NOL4: variants seen among roughly 807,000 people sequenced by gnomAD.
The protein encoded by NOL4 is cancer/testis antigen 125.
Under a neutral mutation model 75.9 loss-of-function variants are expected in NOL4, and 17 were observed. The ratio of observed to expected loss-of-function variants is 0.22; its 90% CI spans 0.15 to 0.34. NOL4 has a LOEUF of 0.34. NOL4 is among the 10% of genes least tolerant of loss of function. The probability of loss-of-function intolerance (pLI) is 1.00; values close to 1 mark genes in which losing one functional copy is unlikely to be tolerated. For missense variants in NOL4, 614 were observed against 793.5 expected (o/e 0.77, Z 2.72); for synonymous variants, 292 against 289.9 (o/e 1.01, Z -0.07).
At chr18:33,991,648 C>G (rs1191239097) in intron 6 of NOL4, among the ~76,000 whole-genome samples, 1 of 151,962 alleles carries the variant, frequency 6.6e-6, no homozygotes, top group Non-Finnish European at 1.5e-5. Context: ...GCTAATTACT[C>G]TAGCCCTGTG....
chr18:33,904,086 G>T (rs958078364), intron 9 of NOL4, among the ~76,000 whole-genome samples: 10 of 151,934 alleles, frequency 6.6e-5, no homozygotes, highest in African/African-American at 2.4e-4. Flanking sequence ...TTTGGTTTTT[G>T]GCTCTTATGT....
chr18:33,858,885 T>C (rs2062960327), intron 10 of NOL4, among the ~76,000 whole-genome samples: 1 of 152,106 alleles, frequency 6.6e-6, no homozygotes, highest in Non-Finnish European at 1.5e-5. Flanking sequence ...CATTTTTGAA[T>C]TAATATTGGC....
At chr18:34,048,595 A>G in intron 5 of NOL4, 1 of 985,356 alleles carries the variant, frequency 1.0e-6, no homozygotes, top group Non-Finnish European at 1.2e-6. Flanking sequence ...GCACAGTAAG[A>G]GCTAATCTTT....
intron 5 of NOL4, among the ~76,000 whole-genome samples, chr18:34,024,194 A>AAAAAAATATATATATATATATATAT: frequency 1.4e-5 from 1 of 70,684 alleles, no homozygotes; most frequent in African/African-American, 5.3e-5. Flanking sequence ...AAAAAAAAAA[A>AAAAAAATATATATATATATATATAT]ATATATATAT....
At chr18:34,026,626 ATTTCT>A (rs1345410215) in intron 5 of NOL4, among the ~76,000 whole-genome samples, 2 of 152,186 alleles carry the variant, frequency 1.3e-5, no homozygotes, top group East Asian at 3.8e-4. Context: ...AACTGATATA[ATTTCT>A]TTTCCTTTAG....
intron 5 of NOL4, among the ~76,000 whole-genome samples, chr18:34,072,076 C>T (rs1353859129): frequency 6.6e-6 from 1 of 151,930 alleles, no homozygotes; most frequent in African/African-American, 2.4e-5. Context: ...ATTAAAAATA[C>T]AAAAATTAGC....
chr18:34,153,011 A>G (rs1292089264), intron 1 of NOL4, among the ~76,000 whole-genome samples: 1 of 151,954 alleles, frequency 6.6e-6, no homozygotes, highest in Non-Finnish European at 1.5e-5. Flanking sequence ...TTAAGAAGAA[A>G]GAGAAGCATG....
At chr18:33,854,909 C>A (rs1259574699) in intron 10 of NOL4, among the ~76,000 whole-genome samples, 1 of 151,862 alleles carries the variant, frequency 6.6e-6, no homozygotes. Flanking sequence ...TACACCCTAC[C>A]GCTGGCTCAG....
intron 6 of NOL4, among the ~76,000 whole-genome samples, chr18:34,008,131 T>C (rs1190714008): frequency 1.3e-5 from 2 of 152,124 alleles, no homozygotes; most frequent in African/African-American, 2.4e-5. Flanking sequence ...CACTCCATTT[T>C]TGAGCTGCAA....
At chr18:33,882,662 T>C (rs2064366613) in intron 10 of NOL4, among the ~76,000 whole-genome samples, 1 of 151,036 alleles carries the variant, frequency 6.6e-6, no homozygotes, top group Middle Eastern at 3.4e-3. Context: ...TCCTCAGGGA[T>C]CTAGAACTGG....
intron 9 of NOL4, among the ~76,000 whole-genome samples, chr18:33,912,101 T>G (rs1021990250): frequency 6.6e-6 from 1 of 152,092 alleles, no homozygotes; most frequent in Non-Finnish European, 1.5e-5. Flanking sequence ...TCTTCAGTTC[T>G]TAGACTTTCC....
intron 1 of NOL4, among the ~76,000 whole-genome samples, chr18:34,172,409 C>T (rs753178966): frequency 1.3e-5 from 2 of 151,928 alleles, no homozygotes; most frequent in Non-Finnish European, 2.9e-5. Context: ...ATACTATTTT[C>T]TTTATTCATT....
At chr18:34,020,517 AG>A (rs1274495236) in intron 5 of NOL4, among the ~76,000 whole-genome samples, 2 of 152,208 alleles carry the variant, frequency 1.3e-5, no homozygotes, top group African/African-American at 4.8e-5. Flanking sequence ...ATACCTAAGA[AG>A]TTTAATCATT....
intron 6 of NOL4, among the ~76,000 whole-genome samples, chr18:33,972,683 TA>T (rs1457826675): frequency 1.3e-5 from 2 of 152,184 alleles, no homozygotes; most frequent in Non-Finnish European, 2.9e-5. Flanking sequence ...AATACCATAA[TA>T]AAGTGACTTA....
chr18:33,993,833 G>A (rs1289579849), intron 6 of NOL4, among the ~76,000 whole-genome samples: 1 of 151,384 alleles, frequency 6.6e-6, no homozygotes, highest in African/African-American at 2.4e-5. Flanking sequence ...CTACTAGAAG[G>A]GATTAACAGT....
intron 10 of NOL4, among the ~76,000 whole-genome samples, chr18:33,880,188 T>C (rs1246565369): frequency 6.6e-6 from 1 of 152,108 alleles, no homozygotes; most frequent in Non-Finnish European, 1.5e-5. Context: ...GGGTATAGTT[T>C]TTCTTTATAG....
intron 6 of NOL4, among the ~76,000 whole-genome samples, chr18:33,984,508 T>C (rs1400127989): frequency 1.3e-5 from 2 of 152,050 alleles, no homozygotes; most frequent in African/African-American, 4.8e-5. Context: ...TTTCTCATGG[T>C]TTAACACCAT....
intron 5 of NOL4, among the ~76,000 whole-genome samples, chr18:34,027,527 C>T (rs952388314): frequency 6.6e-6 from 1 of 152,160 alleles, no homozygotes; most frequent in Non-Finnish European, 1.5e-5. Flanking sequence ...CAGCATTATG[C>T]TTTGTGTATA....
At chr18:34,203,713 TCTCTCACA>T (rs1188409406) in intron 1 of NOL4, among the ~76,000 whole-genome samples, 29 of 62,678 alleles carry the variant, frequency 4.6e-4, no homozygotes, top group East Asian at 1.2e-3. Flanking sequence ...TCTCTCTCTC[TCTCTCACA>T]CACACACACA....
Sources: allele counts gnomAD v4.1 joint callset (sites outside exome capture counted in the v4.1 genomes callset), GRCh38; gene constraint gnomAD v4.1.1; transcripts MANE v1.5; gene names NCBI Gene and HGNC (gene_info 2026-07-23, HGNC 2026-07-21).